Variants in COLEC10 observed in about 807,000 individuals in gnomAD.
The protein encoded by COLEC10 is collectin subfamily member 10.
Under a neutral mutation model 28.4 loss-of-function variants are expected in COLEC10, and 22 were observed. The observed-to-expected ratio is 0.78, with a 90% CI of 0.55 to 1.11. COLEC10 has a LOEUF of 1.11. Ranked by LOEUF, COLEC10 falls within the 50% of genes least tolerant of loss-of-function variation. The pLI, the probability that COLEC10 is intolerant of heterozygous loss-of-function variation, is 0.00. For synonymous variants in COLEC10, 125 were observed against 116.1 expected, an observed-to-expected ratio of 1.08 and a Z score of -0.49; for missense variants, 361 against 344.1, an observed-to-expected ratio of 1.05 and a Z score of -0.39.
At chr8:119,091,420 T>C (rs984402183) in intron 3 of COLEC10, among the ~76,000 whole-genome samples, 200 bp downstream of exon 3, 1 of 148,654 alleles carries the variant, frequency 6.7e-6, no homozygotes, top group African/African-American at 2.5e-5. Context: ...CTGGGCATGG[T>C]GGCACATACC....
At chr8:118,998,274 T>G (rs1813626905) in intron 1 of COLEC10, among the ~76,000 whole-genome samples, 2 of 152,276 alleles carry the variant, frequency 1.3e-5, no homozygotes, top group East Asian at 1.9e-4. Flanking sequence ...CAGTAAATAT[T>G]TCAATTATTC....
intron 1 of COLEC10, among the ~76,000 whole-genome samples, chr8:119,070,807 A>T (rs1815107351): frequency 1.3e-5 from 2 of 152,166 alleles, no homozygotes; most frequent in South Asian, 4.1e-4. Flanking sequence ...CATGTTAAAA[A>T]ATGATTTTAA....
Position 119,044,527 on chromosome 8 carries a change from T to G in COLEC10, n.235+34974T>G, listed in dbSNP as rs1018285099. On this transcript the variant is annotated intron_variant and non_coding_transcript_variant, in intron 2 of 6. Transcript: ENST00000521788. ...AACAAAATGAAAATATATGAAAGAG[T>G]AGTAAAGTGATGCTGTAATTGAAAA... 5.9e-5 allele frequency among the ~76,000 whole-genome samples: 9 copies of G among 151,824 alleles called. No homozygotes were observed. The East Asian group carries it at 1.7e-3, about 29-fold the overall frequency.
At chr8:119,058,215 A>G (rs1222484261) in intron 2 of COLEC10, among the ~76,000 whole-genome samples, 2 of 152,006 alleles carry the variant, frequency 1.3e-5, no homozygotes, top group Non-Finnish European at 2.9e-5. Context: ...CTATTCCAAG[A>G]CTTTTGGAAT....
chr8:119,031,234 T>C (rs1184756456), intron 2 of COLEC10, among the ~76,000 whole-genome samples: 1 of 152,164 alleles, frequency 6.6e-6, no homozygotes, highest in African/African-American at 2.4e-5. Flanking sequence ...TCAGGGAGGT[T>C]TGCATTTGTT....
At chr8:118,994,379 A>G (rs1003779872), upstream of COLEC10, among the ~76,000 whole-genome samples, 1 of 152,228 alleles carries the variant, frequency 6.6e-6, no homozygotes, top group Non-Finnish European at 1.5e-5. Flanking sequence ...GCCAATTTAC[A>G]TATACATAAA....
chr8:119,100,056 T>C (rs1041394052), intron 3 of COLEC10, among the ~76,000 whole-genome samples: 19 of 152,186 alleles, frequency 1.2e-4, no homozygotes, highest in Non-Finnish European at 1.6e-4. Context: ...ATCAAAACAT[T>C]AAACCCATAA....
chr8:119,103,684 C>T, intron 4 of COLEC10, 116 bp from the exon 5 acceptor site: 2 of 636,390 alleles, frequency 3.1e-6, no homozygotes, highest in South Asian at 4.1e-5. Flanking sequence ...TAGCCATTCA[C>T]AGATATATAG....
chr8:119,044,577 G>T (rs58403838), intron 2 of COLEC10, among the ~76,000 whole-genome samples: 106 of 152,230 alleles, frequency 7.0e-4, no homozygotes, highest in African/African-American at 2.5e-3. Flanking sequence ...GGGCATGGTG[G>T]CTTATGCCTG....
chr8:119,019,397 C>T (rs182416608), intron 2 of COLEC10, among the ~76,000 whole-genome samples: 2 of 152,272 alleles, frequency 1.3e-5, no homozygotes, highest in Admixed American at 6.5e-5. Flanking sequence ...TCCATGTGCT[C>T]TTGAAGCCAA....
At chr8:119,093,090 G>A (rs957068195) in intron 3 of COLEC10, among the ~76,000 whole-genome samples, 1 of 152,238 alleles carries the variant, frequency 6.6e-6, no homozygotes, top group Non-Finnish European at 1.5e-5. Flanking sequence ...AAGATTAGGG[G>A]AAGCTTAATC....
At chr8:119,105,563 T>G (rs953314380) in intron 5 of COLEC10, among the ~76,000 whole-genome samples, 1 of 152,146 alleles carries the variant, frequency 6.6e-6, no homozygotes, top group African/African-American at 2.4e-5. Context: ...AACTTTGTGC[T>G]GGCCAGGTGT....
In COLEC10 at chr8:119,105,917, A is replaced by G; in HGVS notation, c.560A>G (p.Lys187Arg). ...RIRGGMLAMP[K>R]DEAANTLIAD... ...CGGGGTGGAATGCTAGCCATGCCCAAGGATGAAGCTGCCAACACACTCATC... is the reference window on the plus strand; with the variant it reads ...CGGGGTGGAATGCTAGCCATGCCCAGGGATGAAGCTGCCAACACACTCATC... The change falls in exon 6 of 6, where the codon AAG (lysine) becomes AGG (arginine). Residue 187 changes from lysine to arginine, a missense_variant. Transcript: ENST00000332843. The G allele has an allele frequency of 1.2e-6, 2 of 1,613,924 alleles. No homozygotes were observed. The highest frequency in any genetic ancestry group is 1.1e-5 in the South Asian group (1 of 91,078).
chr8:119,076,991 A>G (rs1815252293), intron 1 of COLEC10, among the ~76,000 whole-genome samples: 1 of 152,196 alleles, frequency 6.6e-6, no homozygotes, highest in Non-Finnish European at 1.5e-5. Flanking sequence ...AGTCTCTGGA[A>G]CCAATTTATC....
intron 1 of COLEC10, among the ~76,000 whole-genome samples, chr8:119,002,206 TA>T (rs1813714370): frequency 1.3e-5 from 2 of 152,194 alleles, no homozygotes; most frequent in African/African-American, 4.8e-5. Context: ...TATATATTGT[TA>T]TTTCTATGGA....
the COLEC10 span, among the ~76,000 whole-genome samples, chr8:118,988,430 C>T: frequency 6.6e-6 from 1 of 152,116 alleles, no homozygotes; most frequent in Non-Finnish European, 1.5e-5. Flanking sequence ...ATTCTTCCCA[C>T]TCTAGTCCCT....
intron 1 of COLEC10, among the ~76,000 whole-genome samples, chr8:119,077,930 AG>A (rs527872769): frequency 2.1e-3 from 317 of 152,256 alleles, no homozygotes; most frequent in Middle Eastern, 0.014. Flanking sequence ...CTGTACAAAA[AG>A]TTTGGTGCCA....
chr8:118,998,433 A>C (rs1335391595), intron 1 of COLEC10, among the ~76,000 whole-genome samples: 1 of 152,142 alleles, frequency 6.6e-6, no homozygotes, highest in African/African-American at 2.4e-5. Context: ...CATCACCTTG[A>C]CCAAATAAAA....
intron 3 of COLEC10, among the ~76,000 whole-genome samples, chr8:119,094,184 C>T (rs1815666041): frequency 6.6e-6 from 1 of 152,066 alleles, no homozygotes; most frequent in African/African-American, 2.4e-5. Flanking sequence ...GGGCATCCAG[C>T]CCACGAAATG....
Sources: allele counts gnomAD v4.1 joint callset (sites outside exome capture counted in the v4.1 genomes callset), GRCh38; gene constraint gnomAD v4.1.1; transcripts MANE v1.5; gene names NCBI Gene and HGNC (gene_info 2026-07-23, HGNC 2026-07-21).